The following TOGARAM2 variants were observed in gnomAD, a reference collection of about 807,000 sequenced individuals.
TOGARAM2 encodes the protein TOG array regulator of axonemal microtubules protein 2.
A neutral mutation model predicts 93.3 loss-of-function variants in TOGARAM2; 85 were observed. The ratio of observed to expected loss-of-function variants is 0.91; its 90% CI spans 0.76 to 1.09. TOGARAM2 has a LOEUF of 1.09. Ranked by LOEUF, TOGARAM2 falls within the 50% of genes least tolerant of loss-of-function variation. The probability of loss-of-function intolerance (pLI) is 0.00; values close to 1 mark genes in which losing one functional copy is unlikely to be tolerated. For synonymous variants in TOGARAM2, 593 were observed against 552.8 expected (o/e 1.07, Z -1.02); for missense variants, 1,277 against 1,334.5 (o/e 0.96, Z 0.67).
In TOGARAM2 at chr2:28,999,578, CT is replaced by C; in HGVS notation, c.427+111del. ...CTTCCAGGTGGCATGCTGGGATGCC[CT>C]GGGGGTGATCGGTGGGTACATACCA... On this transcript the variant is annotated intron_variant, in intron 4 of 19. Transcript: ENST00000379558. 2.3e-6 allele frequency: 3 copies of C among 1,277,542 alleles called. No individual in the cohort carries two copies. In the South Asian group the frequency reaches 4.7e-5, roughly 20 times the overall value. 79.1% of individuals were successfully genotyped at this position (1,277,542 alleles called of 1,614,324 possible). A position where few individuals can be genotyped will look rare whatever the true frequency, so the allele number is the denominator to read the frequency against.
intron 1 of TOGARAM2, among the ~76,000 whole-genome samples, chr2:28,965,220 C>G (rs560499304): frequency 6.6e-6 from 1 of 152,292 alleles, no homozygotes; most frequent in Admixed American, 6.5e-5. Flanking sequence ...CAATTGAACT[C>G]TTCCTGTTAA....
intron 19 of TOGARAM2, chr2:29,051,445 A>T (rs184162267): frequency 4.8e-6 from 1 of 207,950 alleles, no homozygotes; most frequent in East Asian, 1.2e-4. Context: ...AGGAACCATT[A>T]TGATTGTCAG....
At chr2:28,958,878 G>C (rs151335259) in intron 1 of TOGARAM2, among the ~76,000 whole-genome samples, 13 of 152,332 alleles carry the variant, frequency 8.5e-5, no homozygotes, top group African/African-American at 3.1e-4. Context: ...GCCGCCTCCT[G>C]TCTAAACTCC....
rs1380743508 is a variant in TOGARAM2 at position 29,035,559 on chromosome 2, T to G, written c.2321T>G (p.Leu774Arg). The change falls in exon 17 of 20, where the codon CTG becomes CGG. Residue 774 changes from leucine to arginine, a missense_variant. Transcript: ENST00000379558. Reference sequence around the variant, plus strand: ...CAGCTACGGGAGCTGACACGGCTGCTGGAGGCCAAGGACTTCCGGTCCCGG... The same window carrying G: ...CAGCTACGGGAGCTGACACGGCTGCGGGAGGCCAAGGACTTCCGGTCCCGG... ...VEQLRELTRLLEAKDFRSRME... is the reference protein window; with the variant it reads ...VEQLRELTRLREAKDFRSRME... 7.5e-6 allele frequency: 12 copies of G among 1,590,904 alleles called. No individual in the cohort carries two copies. The highest frequency in any genetic ancestry group is 9.4e-6 in the Non-Finnish European group (11 of 1,168,620).
chr2:28,976,361 A>T (rs1672035396), upstream of TOGARAM2, among the ~76,000 whole-genome samples: 1 of 152,070 alleles, frequency 6.6e-6, no homozygotes, highest in Non-Finnish European at 1.5e-5. Context: ...ACAGAGTGAG[A>T]CTCCATCTCA....
intron 1 of TOGARAM2, among the ~76,000 whole-genome samples, chr2:28,983,142 C>A (rs971799035): frequency 2.7e-5 from 4 of 147,066 alleles, no homozygotes; most frequent in Non-Finnish European, 5.9e-5. Flanking sequence ...TGCACACCAC[C>A]ATGCCCGGCT....
intron 1 of TOGARAM2, among the ~76,000 whole-genome samples, chr2:28,959,541 C>T (rs1283430010): frequency 2.6e-5 from 4 of 152,156 alleles, no homozygotes; most frequent in African/African-American, 4.8e-5. Flanking sequence ...ATCACAAGGT[C>T]AGGAAATCAT....
intron 16 of TOGARAM2, among the ~76,000 whole-genome samples, 163 bp from the exon 17 acceptor site, chr2:29,035,301 G>C (rs1426856274): frequency 6.6e-6 from 1 of 152,196 alleles, no homozygotes; most frequent in African/African-American, 2.4e-5. Context: ...ATGGAGCCCT[G>C]GGCAACAAGC....
rs1572717698 is a variant in TOGARAM2, at chr2:29,018,198, C to T, written c.1360+242C>T. Reference sequence around the variant, plus strand: ...CAACTGGAGTTGTGATGTCCTCAGCCTGTGTGACATGTCCGGAGGAGTGAC... The same window carrying T: ...CAACTGGAGTTGTGATGTCCTCAGCTTGTGTGACATGTCCGGAGGAGTGAC... On this transcript the variant is annotated intron_variant, in intron 10 of 19. Coordinates refer to ENST00000379558, the MANE Select transcript of TOGARAM2 (RefSeq NM_199280.4). The T allele has an allele frequency of 2.3e-5, 12 of 511,192 alleles. No homozygotes were observed. In the East Asian group the frequency reaches 3.9e-4, roughly 17 times the overall value. The allele number at this position is 511,192 out of a possible 1,614,324, so 31.7% of individuals were successfully genotyped here.
chr2:28,972,106 T>C (rs1671953186), intron 1 of TOGARAM2, among the ~76,000 whole-genome samples: 1 of 152,228 alleles, frequency 6.6e-6, no homozygotes, highest in Non-Finnish European at 1.5e-5. Flanking sequence ...TTTTATTTTT[T>C]GAGACAGGGT....
intron 18 of TOGARAM2, among the ~76,000 whole-genome samples, chr2:29,039,261 CCTT>C: frequency 6.6e-6 from 1 of 152,294 alleles, no homozygotes; most frequent in South Asian, 2.1e-4. Flanking sequence ...CCCCAAACCT[CCTT>C]CTTCATGCTC....
rs113991025 is a variant in TOGARAM2, at chr2:29,022,454, G to GTA, written c.1511+146_1511+147insTA. The GTA allele has an allele frequency of 9.7e-3, 10,385 of 1,072,904 alleles. 518 individuals are homozygous for GTA. In the African/African-American group the frequency reaches 0.12, roughly 12 times the overall value. 66.5% of individuals were successfully genotyped at this position (1,072,904 alleles called of 1,614,324 possible). A position where few individuals can be genotyped will look rare whatever the true frequency, so the allele number is the denominator to read the frequency against. On this transcript the variant is annotated intron_variant, in intron 11 of 19. Transcript: ENST00000379558. ...AAAGCCAGTTTGGAGGGAGGACTGT[G>GTA]CATGCATATAGATATGTGTGTTTAT...
intron 6 of TOGARAM2, among the ~76,000 whole-genome samples, chr2:29,005,005 C>G (rs1454252849): frequency 3.0e-5 from 1 of 33,628 alleles, no homozygotes; most frequent in East Asian, 9.1e-4. Context: ...CATGTGTGTG[C>G]ATGTGTATGT....
intron 1 of TOGARAM2, among the ~76,000 whole-genome samples, chr2:28,958,127 C>G (rs1671751582): frequency 6.6e-6 from 1 of 152,150 alleles, no homozygotes; most frequent in African/African-American, 2.4e-5. Flanking sequence ...TAGGTCCGTT[C>G]TAGAAATTTG....
intron 18 of TOGARAM2, among the ~76,000 whole-genome samples, chr2:29,043,290 G>A (rs776245200): frequency 3.3e-5 from 5 of 152,204 alleles, no homozygotes; most frequent in Non-Finnish European, 7.3e-5. Context: ...CAGCAGAGAT[G>A]TACCTGGGTA....
intron 10 of TOGARAM2, among the ~76,000 whole-genome samples, chr2:29,019,330 C>T (rs772118251): frequency 1.4e-4 from 21 of 151,904 alleles, no homozygotes; most frequent in Admixed American, 3.9e-4. Flanking sequence ...CCACCATGGC[C>T]CGATTAATTT....
chr2:28,967,214 TAA>T (rs970279132), intron 1 of TOGARAM2, among the ~76,000 whole-genome samples: 2 of 152,102 alleles, frequency 1.3e-5, no homozygotes, highest in Non-Finnish European at 2.9e-5. Flanking sequence ...TTGTAAAAAT[TAA>T]AAAAACCCTG....
At chr2:28,960,846 A>G (rs1288343620) in intron 1 of TOGARAM2, among the ~76,000 whole-genome samples, 1 of 152,192 alleles carries the variant, frequency 6.6e-6, no homozygotes, top group Admixed American at 6.5e-5. Context: ...TGTTAATTTT[A>G]TGTCATTCTC....
chr2:28,983,294 C>T (rs765738636), intron 1 of TOGARAM2, among the ~76,000 whole-genome samples: 1 of 119,450 alleles, frequency 8.4e-6, no homozygotes, highest in Non-Finnish European at 1.7e-5. Context: ...ATATGCCTGC[C>T]TTGGCCTCCC....
Sources: allele counts gnomAD v4.1 joint callset (sites outside exome capture counted in the v4.1 genomes callset), GRCh38; gene constraint gnomAD v4.1.1; transcripts MANE v1.5; gene names NCBI Gene and HGNC (gene_info 2026-07-23, HGNC 2026-07-21).